The following NDC80 variants were observed in gnomAD, a reference collection of about 807,000 sequenced individuals.
NDC80 encodes the protein NDC80 kinetochore complex component.
NDC80 carries 69 observed loss-of-function variants against 89.3 expected under a neutral mutation model. The observed-to-expected ratio is 0.77, with a 90% CI of 0.64 to 0.94. The LOEUF (loss-of-function observed/expected upper bound fraction) is 0.94. Ranked by LOEUF, NDC80 falls within the 40% of genes least tolerant of loss-of-function variation. The pLI, the probability that NDC80 is intolerant of heterozygous loss-of-function variation, is 0.00. For synonymous variants in NDC80, 243 were observed against 255.6 expected, an observed-to-expected ratio of 0.95 and a Z score of 0.47; for missense variants, 593 against 739.6, an observed-to-expected ratio of 0.80 and a Z score of 2.30.
At position 2,611,003 on chromosome 18, in the gene NDC80, T is replaced by C. The variant is rs144366495; in HGVS notation, c.1791+142T>C. On this transcript the variant is annotated intron_variant, in intron 16 of 16. Transcript: ENST00000261597. ...TGGCAAAAATTTATCAGAAGAATCT[T>C]GTCTAGTGATGTGGCAACGTGATGC... The C allele has an allele frequency of 2.0e-3, 913 of 448,540 alleles. 5 individuals are homozygous for C. Among genetic ancestry groups the C allele is most frequent in the South Asian group, 8.1e-3 (140 of 17,222 alleles). The allele number at this position is 448,540 out of a possible 1,614,324, so 27.8% of individuals were successfully genotyped here.
At chr18:2,594,051 C>T (rs559637578) in intron 10 of NDC80, among the ~76,000 whole-genome samples, 2 of 152,172 alleles carry the variant, frequency 1.3e-5, no homozygotes, top group South Asian at 2.1e-4. Context: ...TACAGGCATG[C>T]GCCACCATGC....
intron 10 of NDC80, among the ~76,000 whole-genome samples, chr18:2,595,092 G>A (rs186374367): frequency 1.3e-5 from 2 of 151,870 alleles, no homozygotes; most frequent in African/African-American, 4.8e-5. Context: ...ACCATTGCAA[G>A]CTAATAGGGA....
chr18:2,608,308 C>T (rs1008198956), intron 14 of NDC80, among the ~76,000 whole-genome samples: 2 of 151,768 alleles, frequency 1.3e-5, no homozygotes, highest in Non-Finnish European at 2.9e-5. Flanking sequence ...TGGGTTCAAG[C>T]GATTCTCATG....
rs1491312738 is a variant in NDC80 at position 2,593,057 on chromosome 18, T to TGTC, written c.1016-2359_1016-2358insGTC. On this transcript the variant is annotated intron_variant, in intron 10 of 16. Coordinates refer to ENST00000261597, the MANE Select transcript of NDC80 (RefSeq NM_006101.3). ...GTGTGTGTGTGTGTGTGTGTGTGTC[T>TGTC]TTTTTTTTTTTTTTTGAGTCAGACT... Among the ~76,000 whole-genome samples the TGTC allele has an allele frequency of 2.3e-3, 156 of 69,320 alleles. 1 individual carries two copies. Among genetic ancestry groups the TGTC allele is most frequent in the African/African-American group, 0.01 (151 of 14,396 alleles). The allele number at this position is 69,320 out of a possible 152,430, so 45.5% of individuals were successfully genotyped here. A position where few individuals can be genotyped will look rare whatever the true frequency, so the allele number is the denominator to read the frequency against.
chr18:2,610,802 G>GTGGGAAATAACTTGCAACGTC lies in NDC80; in HGVS notation c.1735_1755dup (p.Gly579_Leu585dup). The GTGGGAAATAACTTGCAACGTC allele has an allele frequency of 6.3e-7, 1 of 1,591,560 alleles. No homozygotes were observed. Among genetic ancestry groups the GTGGGAAATAACTTGCAACGTC allele is most frequent in the Non-Finnish European group, 8.6e-7 (1 of 1,164,270 alleles). On this transcript the variant is annotated inframe_insertion, in exon 16 of 17. Coordinates refer to ENST00000261597, the MANE Select transcript of NDC80 (RefSeq NM_006101.3). ...AACCACGACTGAAGAAAGACGAAAAGTGGGAAATAACTTGCAACGTCTGTT... is the reference window on the plus strand; with the variant it reads ...AACCACGACTGAAGAAAGACGAAAAGTGGGAAATAACTTGCAACGTCTGGGAAATAACTTGCAACGTCTGTT...
intron 13 of NDC80, among the ~76,000 whole-genome samples, chr18:2,605,171 A>G (rs376021926): frequency 4.4e-4 from 67 of 152,234 alleles, no homozygotes; most frequent in African/African-American, 1.6e-3. Context: ...AGAGAAGTAT[A>G]TAGAAGAGAG....
At chr18:2,614,447 G>GA (rs1301087344) in intron 16 of NDC80, 1 of 5,234 alleles carries the variant, frequency 1.9e-4, no homozygotes, top group Non-Finnish European at 2.9e-4. Context: ...AAAAAAGAAA[G>GA]AAAGAAAGAA....
intron 12 of NDC80, among the ~76,000 whole-genome samples, chr18:2,599,496 A>G (rs2072673580): frequency 6.6e-6 from 1 of 152,200 alleles, no homozygotes; most frequent in African/African-American, 2.4e-5. Flanking sequence ...TGAAAAGATC[A>G]GTTCTTCCCA....
At position 2,575,049 on chromosome 18, in the gene NDC80, C is replaced by T; in HGVS notation, c.162C>T (p.Val54=). The change falls in exon 3 of 17, where the codon GTC becomes GTT. Residue 54 remains valine, a synonymous_variant. Transcript: ENST00000261597. ...ACAAACCGACATCTGAAAGAAAAGT[C>T]TCGCTATTTGGCAAAAGGTAATTAT... ...SINKPTSERK[V]SLFGKRTSGH... The T allele has an allele frequency of 6.2e-7, 1 of 1,610,938 alleles. No individual in the cohort carries two copies.
intron 2 of NDC80, among the ~76,000 whole-genome samples, chr18:2,574,606 A>G (rs573636876): frequency 7.7e-4 from 117 of 152,206 alleles, no homozygotes; most frequent in African/African-American, 2.6e-3. Flanking sequence ...TCTATCTTGT[A>G]CTTTACCTTC....
intron 6 of NDC80, among the ~76,000 whole-genome samples, chr18:2,580,034 A>T (rs1264086146): frequency 7.0e-6 from 1 of 141,912 alleles, no homozygotes; most frequent in Non-Finnish European, 1.5e-5. Context: ...TTGCTTGTAC[A>T]TGGTTTTTCA....
chr18:2,583,555 G>A (rs1276289535), intron 6 of NDC80, among the ~76,000 whole-genome samples: 1 of 151,950 alleles, frequency 6.6e-6, no homozygotes, highest in Non-Finnish European at 1.5e-5. Context: ...GCAAAAATTA[G>A]GCATAGTGAC....
chr18:2,611,075 T>A (rs1247444823), intron 16 of NDC80, among the ~76,000 whole-genome samples: 1 of 123,108 alleles, frequency 8.1e-6, no homozygotes, highest in Admixed American at 1.0e-4. Flanking sequence ...TGAGACGGAG[T>A]TTCACTCTCA....
intron 10 of NDC80, among the ~76,000 whole-genome samples, chr18:2,593,013 G>GGTGTGTGTGTGTGT (rs56851912): frequency 9.3e-4 from 101 of 108,422 alleles, no homozygotes; most frequent in East Asian, 3.7e-3. Flanking sequence ...AATAAACTCT[G>GGTGTGTGTGTGTGT]GTGTGTGTGT....
At chr18:2,610,278 C>A (rs553025281) in intron 15 of NDC80, among the ~76,000 whole-genome samples, 1 of 152,114 alleles carries the variant, frequency 6.6e-6, no homozygotes, top group Non-Finnish European at 1.5e-5. Flanking sequence ...GAAAAATTTT[C>A]TATTTTGAGA....
chr18:2,602,963 TGAG>T (rs55864825), intron 13 of NDC80, among the ~76,000 whole-genome samples: 3,433 of 152,198 alleles, frequency 0.023, 55 homozygotes, highest in Non-Finnish European at 0.038. Flanking sequence ...TGTGCAAGCT[TGAG>T]GAGAAAGAAG....
intron 2 of NDC80, 28 bp from the exon 3 acceptor site, chr18:2,574,961 A>G: frequency 7.0e-7 from 1 of 1,425,092 alleles, no homozygotes; most frequent in Non-Finnish European, 9.7e-7. Context: ...TTTTTATTTT[A>G]AAGAGTTGTT....
At chr18:2,613,145 A>T (rs2072754128) in intron 16 of NDC80, among the ~76,000 whole-genome samples, 1 of 152,238 alleles carries the variant, frequency 6.6e-6, no homozygotes, top group African/African-American at 2.4e-5. Flanking sequence ...CTGCAGGCCC[A>T]ATTGGGCCTA....
At chr18:2,580,731 A>ATTTTTTTTTTT (rs71365186) in intron 6 of NDC80, among the ~76,000 whole-genome samples, 1,996 of 55,448 alleles carry the variant, frequency 0.036, 589 homozygotes, top group East Asian at 0.18. Context: ...TCACCATCAG[A>ATTTTTTTTTTT]TTTTTTTTTT....
Sources: gnomAD v4.1 joint callset for allele counts (sites outside exome capture counted in the v4.1 genomes callset) on GRCh38, gnomAD v4.1.1 for gene constraint, MANE v1.5 for transcripts, NCBI Gene and HGNC (gene_info 2026-07-23, HGNC 2026-07-21) for gene names.